The following KCTD3 variants were observed in gnomAD, a reference collection of about 807,000 sequenced individuals.
KCTD3 encodes the protein potassium channel tetramerization domain containing 3.
Under a neutral mutation model 85.8 loss-of-function variants are expected in KCTD3, and 41 were observed. The observed-to-expected ratio is 0.48, with a 90% confidence interval of 0.37 to 0.62. The LOEUF (loss-of-function observed/expected upper bound fraction) is 0.62. Among genes scored for constraint, KCTD3 ranks in the 20% least tolerant of loss-of-function variants. The probability of loss-of-function intolerance (pLI) is 0.00; values close to 1 mark genes in which losing one functional copy is unlikely to be tolerated. For synonymous variants in KCTD3, 338 were observed against 345.4 expected, an observed-to-expected ratio of 0.98 and a Z score of 0.24; for missense variants, 724 against 989.9, an observed-to-expected ratio of 0.73 and a Z score of 3.60.
chr1:215,607,989 ATTCTTTTGTG>A lies in KCTD3; in HGVS notation c.1310-23_1310-14del, dbSNP rs536922512. 1.2e-4 allele frequency: 191 copies of A among 1,570,458 alleles called. 3 individuals carry two copies. In the South Asian group the frequency reaches 2.1e-3, roughly 18 times the overall value. On this transcript the variant is annotated intron_variant, in intron 13 of 17. Coordinates refer to ENST00000259154, the MANE Select transcript of KCTD3 (RefSeq NM_016121.5). Reference sequence around the variant, plus strand: ...AATGAGTTTTTAAAAGTAATTTTGTATTCTTTTGTGTTCTCTTTCTCTGCTAGTCTGTGCA... The same window carrying A: ...AATGAGTTTTTAAAAGTAATTTTGTATTCTCTTTCTCTGCTAGTCTGTGCA...
At chr1:215,616,724 C>T (rs1235467451) in intron 15 of KCTD3, among the ~76,000 whole-genome samples, 2 of 152,196 alleles carry the variant, frequency 1.3e-5, no homozygotes, top group Non-Finnish European at 2.9e-5. Flanking sequence ...CACGCCATTG[C>T]ACTCCAGCCT....
chr1:215,614,718 GC>G (rs1340807554), intron 15 of KCTD3, among the ~76,000 whole-genome samples: 6 of 152,080 alleles, frequency 3.9e-5, no homozygotes, highest in Non-Finnish European at 5.9e-5. Context: ...GGAGCCTTTG[GC>G]AGAGACTGTG....
chr1:215,577,994 T>G lies in KCTD3; in HGVS notation c.317-7T>G. On this transcript the variant is annotated splice_polypyrimidine_tract_variant and splice_region_variant and intron_variant, in intron 5 of 17. Coordinates refer to ENST00000259154, the MANE Select transcript of KCTD3 (RefSeq NM_016121.5). ...CTCTTGACAAGTTTGCTTTGAAATG[T>G]TTTTAGTAAGAAGGCTTCTCTTATG... 6.2e-7 allele frequency: 1 copy of G among 1,608,384 alleles called. No homozygotes were observed. Among genetic ancestry groups the G allele is most frequent in the Non-Finnish European group, 8.5e-7 (1 of 1,176,676 alleles).
intron 15 of KCTD3, chr1:215,618,035 G>C (rs936095384): frequency 1.6e-5 from 7 of 434,136 alleles, no homozygotes; most frequent in Non-Finnish European, 3.4e-5. Context: ...CTCTTGTGAA[G>C]ATTCCCATGT....
At chr1:215,618,441 T>A (rs778761094) in intron 15 of KCTD3, 35 of 165,024 alleles carry the variant, frequency 2.1e-4, no homozygotes, top group South Asian at 8.2e-4. Flanking sequence ...TACTGATTTT[T>A]CTTTTTTAAT....
In KCTD3 at chr1:215,611,883, C is replaced by G. The variant is rs1188723424; in HGVS notation, c.1524C>G (p.Thr508=). 2 of 1,608,482 alleles carry G rather than the reference C, an allele frequency of 1.2e-6. No individual in the cohort carries two copies. The highest frequency in any genetic ancestry group is 3.3e-5 in the Admixed American group (2 of 59,944). Residue 508 remains threonine, a synonymous_variant, in exon 15 of 18, where the codon ACC becomes ACG. Coordinates refer to ENST00000259154, the MANE Select transcript of KCTD3 (RefSeq NM_016121.5). ...QVFIQKVVPI[T]NKLFVRLSST... ...TTATCCAGAAAGTTGTTCCCATCACCAACAAACTATTTGTAAGACTCTCAT... is the reference window on the plus strand; with the variant it reads ...TTATCCAGAAAGTTGTTCCCATCACGAACAAACTATTTGTAAGACTCTCAT...
chr1:215,618,662 G>C (rs1232950189), intron 15 of KCTD3: 5 of 380,752 alleles, frequency 1.3e-5, no homozygotes, highest in Non-Finnish European at 1.4e-5. Context: ...TTTTGAAGTT[G>C]AGTATTATCC....
chr1:215,577,360 C>G (rs1025078511), intron 4 of KCTD3, among the ~76,000 whole-genome samples: 1 of 152,022 alleles, frequency 6.6e-6, no homozygotes, highest in Non-Finnish European at 1.5e-5. Flanking sequence ...TCCATTCTAT[C>G]GTTTGCCTTC....
chr1:215,580,258 C>A (rs968865994), intron 8 of KCTD3, among the ~76,000 whole-genome samples: 2 of 152,018 alleles, frequency 1.3e-5, no homozygotes, highest in African/African-American at 4.8e-5. Context: ...CTGAGATATC[C>A]TGATGTATTA....
At chr1:215,611,305 TTG>T (rs1473720736) in intron 14 of KCTD3, among the ~76,000 whole-genome samples, 1 of 151,956 alleles carries the variant, frequency 6.6e-6, no homozygotes, top group Admixed American at 6.6e-5. Context: ...TTATATAAAA[TTG>T]TGTGTGTGTT....
At chr1:215,575,688 G>A (rs1659544899) in intron 3 of KCTD3, among the ~76,000 whole-genome samples, 1 of 152,052 alleles carries the variant, frequency 6.6e-6, no homozygotes, top group Non-Finnish European at 1.5e-5. Flanking sequence ...TAACTATTCA[G>A]AGGAAGAAAA....
At chr1:215,591,295 C>G (rs867263664) in intron 9 of KCTD3, among the ~76,000 whole-genome samples, 1 of 87,536 alleles carries the variant, frequency 1.1e-5, no homozygotes, top group African/African-American at 6.0e-5. Context: ...TCTTTCCTTC[C>G]TTCCTTCCTT....
chr1:215,591,869 A>G (rs1660240767), intron 9 of KCTD3, among the ~76,000 whole-genome samples: 1 of 152,196 alleles, frequency 6.6e-6, no homozygotes, highest in Non-Finnish European at 1.5e-5. Context: ...CCGTTTTCAC[A>G]CTGCTGATAA....
intron 8 of KCTD3, chr1:215,580,994 G>C (rs926733550): frequency 2.2e-6 from 1 of 463,112 alleles, no homozygotes; most frequent in African/African-American, 2.0e-5. Flanking sequence ...GGGCACGGTG[G>C]GTCACGCCTG....
At chr1:215,586,386 GTT>G in intron 8 of KCTD3, 107 bp from the exon 9 acceptor site, 1 of 820,754 alleles carries the variant, frequency 1.2e-6, no homozygotes. Flanking sequence ...TAACTGTTTA[GTT>G]TTTTTTTTGT....
At chr1:215,576,466 G>A (rs1308979350) in intron 4 of KCTD3, among the ~76,000 whole-genome samples, 1 of 151,874 alleles carries the variant, frequency 6.6e-6, no homozygotes, top group Non-Finnish European at 1.5e-5. Context: ...AGCTACTCTA[G>A]AGAAGAAGCT....
At chr1:215,595,297 T>C (rs1014144893) in intron 9 of KCTD3, 59 bp from the exon 10 acceptor site, 1 of 1,019,724 alleles carries the variant, frequency 9.8e-7, no homozygotes, top group African/African-American at 1.6e-5. Context: ...TAATCCAGGT[T>C]TTGATTAATT....
chr1:215,599,996 C>CT (rs1205336743), intron 10 of KCTD3, among the ~76,000 whole-genome samples: 4 of 151,988 alleles, frequency 2.6e-5, no homozygotes, highest in African/African-American at 9.7e-5. Context: ...AGTTGAAGCC[C>CT]TTTCCTTTAG....
chr1:215,608,930 T>C (rs1312858018), intron 14 of KCTD3, among the ~76,000 whole-genome samples: 1 of 152,032 alleles, frequency 6.6e-6, no homozygotes, highest in Non-Finnish European at 1.5e-5. Context: ...AAGTTTATAT[T>C]GTTATTTATT....
Sources: allele counts gnomAD v4.1 joint callset (sites outside exome capture counted in the v4.1 genomes callset), GRCh38; gene constraint gnomAD v4.1.1; transcripts MANE v1.5; gene names NCBI Gene and HGNC (gene_info 2026-07-23, HGNC 2026-07-21).